CD6: variants seen among roughly 807,000 people sequenced by gnomAD.
The protein encoded by CD6 is T-cell differentiation antigen CD6.
A neutral mutation model predicts 75.3 loss-of-function variants in CD6; 53 were observed. The observed-to-expected ratio is 0.70, with a 90% CI of 0.56 to 0.88. The LOEUF is 0.88. Ranked by LOEUF, CD6 falls within the 40% of genes least tolerant of loss-of-function variation. The probability of loss-of-function intolerance (pLI) is 0.00; values close to 1 mark genes in which losing one functional copy is unlikely to be tolerated. For missense variants in CD6, 770 were observed against 897.1 expected (o/e 0.86, Z 1.81); for synonymous variants, 359 against 381.5 (o/e 0.94, Z 0.69).
At chr11:60,972,447 G>A (rs754691983) in intron 1 of CD6, among the ~76,000 whole-genome samples, 1 of 152,180 alleles carries the variant, frequency 6.6e-6, no homozygotes, top group East Asian at 1.9e-4. Context: ...GTAGTCTAGG[G>A]CATAAGCGAG....
chr11:60,979,790 A>G (rs796247974), intron 1 of CD6, among the ~76,000 whole-genome samples: 25 of 152,198 alleles, frequency 1.6e-4, no homozygotes, highest in Middle Eastern at 3.4e-3. Flanking sequence ...ATATTTTCAT[A>G]TTCATTCAGT....
At chr11:61,006,732 A>G (rs1474510646) in intron 2 of CD6, 90 bp downstream of exon 2, 2 of 1,070,714 alleles carry the variant, frequency 1.9e-6, no homozygotes, top group African/African-American at 3.1e-5. Flanking sequence ...CATTTAGGAT[A>G]CCAGGGAGGC....
rs575517510 is a variant in CD6 at position 61,017,705 on chromosome 11, A to C, written c.1583-54A>C. The C allele has an allele frequency of 6.8e-6, 11 of 1,610,542 alleles. No homozygotes were observed. The South Asian group carries it at 1.2e-4, about 18-fold the overall frequency. On this transcript the variant is annotated intron_variant, in intron 10 of 12. Coordinates refer to ENST00000313421, the MANE Select transcript of CD6 (RefSeq NM_006725.5). ...TAAGTGCTTTCTGAAGTCTGACTTA[A>C]AGCCCTCTTGCTGCACTGCTTCTTT...
At chr11:61,000,942 A>G (rs1487592104) in intron 1 of CD6, among the ~76,000 whole-genome samples, 1 of 151,862 alleles carries the variant, frequency 6.6e-6, no homozygotes, top group East Asian at 1.9e-4. Context: ...TGGGGTCGGC[A>G]CTCCCAACCT....
chr11:60,988,797 A>C (rs1857931912), intron 1 of CD6, among the ~76,000 whole-genome samples: 1 of 152,160 alleles, frequency 6.6e-6, no homozygotes, highest in Non-Finnish European at 1.5e-5. Context: ...CACACAAGCT[A>C]AAACTGCTTC....
At chr11:61,005,799 C>T (rs984756533) in intron 1 of CD6, among the ~76,000 whole-genome samples, 5 of 151,956 alleles carry the variant, frequency 3.3e-5, no homozygotes, top group Admixed American at 1.3e-4. Context: ...GGCGTGGTGG[C>T]GCATGCCTGT....
In CD6 at chr11:61,017,347, C is replaced by T; in HGVS notation, c.1511-132C>T. ...TGGAATTTGATGGGAAATGCTAAGCCCTCTCTGCCTCCGGAGTTGTCCTCC... is the reference window on the plus strand; with the variant it reads ...TGGAATTTGATGGGAAATGCTAAGCTCTCTCTGCCTCCGGAGTTGTCCTCC... On this transcript the variant is annotated intron_variant, in intron 9 of 12. Transcript: ENST00000313421. The T allele has an allele frequency of 4.5e-6, 3 of 673,766 alleles. No homozygotes were observed. In the Admixed American group the frequency reaches 6.7e-5, roughly 15 times the overall value. The allele number at this position is 673,766 out of a possible 1,614,324, so 41.7% of individuals were successfully genotyped here.
At chr11:60,978,854 C>T (rs1857461848) in intron 1 of CD6, among the ~76,000 whole-genome samples, 2 of 152,206 alleles carry the variant, frequency 1.3e-5, no homozygotes, top group African/African-American at 4.8e-5. Context: ...CCAAAGTGTA[C>T]AAGTTAATGT....
At chr11:61,010,394 C>T (rs973204416) in intron 5 of CD6, among the ~76,000 whole-genome samples, 13 of 152,118 alleles carry the variant, frequency 8.5e-5, no homozygotes, top group African/African-American at 2.7e-4. Context: ...TAAAGAAGAA[C>T]GAACACTGCC....
chr11:60,978,382 A>G (rs977901516), intron 1 of CD6, among the ~76,000 whole-genome samples: 1 of 152,016 alleles, frequency 6.6e-6, no homozygotes, highest in Admixed American at 6.5e-5. Flanking sequence ...GGGGCACCCG[A>G]GTTCACCTCC....
chr11:60,975,424 G>C (rs12361059), intron 1 of CD6, among the ~76,000 whole-genome samples: 1 of 152,110 alleles, frequency 6.6e-6, no homozygotes, highest in Non-Finnish European at 1.5e-5. Context: ...TTTATATGTC[G>C]AACTTATAAT....
Position 61,013,552 on chromosome 11 carries a change from A to C in CD6, c.1280A>C (p.Lys427Thr). ...ATAGCCTTCATCCTCTTGAGAATTA[A>C]AGGAAAATATGGTAAGTGCAAGGTT... Reference protein sequence around the residue: ...IFIAFILLRIKGKYALPVMVN... With the variant: ...IFIAFILLRITGKYALPVMVN... The change falls in exon 7 of 13, where the codon AAA (lysine) becomes ACA (threonine). Residue 427 changes from lysine to threonine, a missense_variant. Coordinates refer to ENST00000313421, the MANE Select transcript of CD6 (RefSeq NM_006725.5). 1 of 1,614,130 alleles carries C rather than the reference A, an allele frequency of 6.2e-7. No individual in the cohort carries two copies. Among genetic ancestry groups the C allele is most frequent in the East Asian group, 2.2e-5 (1 of 44,866 alleles).
chr11:60,999,273 T>C (rs560677767), intron 1 of CD6, among the ~76,000 whole-genome samples: 151 of 151,666 alleles, frequency 1.0e-3, no homozygotes, highest in African/African-American at 3.3e-3. Flanking sequence ...TTAGCATCTC[T>C]CCTGGGCAAG....
rs1348898843 is a variant in CD6, at chr11:61,007,234, C to A, written c.119-326C>A. ...AGGGCCCCTGAACTCACAACTCTGC[C>A]TTTCTTTCACAAACGGGTGCCCCTG... On this transcript the variant is annotated intron_variant, in intron 2 of 12. Coordinates refer to ENST00000313421, the MANE Select transcript of CD6 (RefSeq NM_006725.5). This position sits in a 1 kb window ranked among gnomAD's most constrained non-coding sequence, Gnocchi z 4.2. 6.6e-6 allele frequency among the ~76,000 whole-genome samples: 1 copy of A among 152,138 alleles called. No homozygotes were observed. Among genetic ancestry groups the A allele is most frequent in the Non-Finnish European group, 1.5e-5 (1 of 68,018 alleles).
rs765611857 is a variant in CD6 at position 61,017,465 on chromosome 11, G to A, written c.1511-14G>A. 1.6e-4 allele frequency: 255 copies of A among 1,546,762 alleles called. No homozygotes were observed. The highest frequency in any genetic ancestry group is 2.0e-4 in the Non-Finnish European group (227 of 1,145,326). Reference sequence around the variant, plus strand: ...TGAGCCTTCACCCCTCCCCACCACCGCCTCTGCTTGCAGATTCCCAGCGGC... The same window carrying A: ...TGAGCCTTCACCCCTCCCCACCACCACCTCTGCTTGCAGATTCCCAGCGGC... On this transcript the variant is annotated splice_polypyrimidine_tract_variant and intron_variant, in intron 9 of 12. Coordinates refer to ENST00000313421, the MANE Select transcript of CD6 (RefSeq NM_006725.5).
At chr11:61,003,646 A>C (rs1428976118) in intron 1 of CD6, among the ~76,000 whole-genome samples, 13 of 152,210 alleles carry the variant, frequency 8.5e-5, no homozygotes, top group Admixed American at 8.5e-4. Context: ...AGGCACGAGA[A>C]TCGCTTGAAC....
intron 1 of CD6, among the ~76,000 whole-genome samples, chr11:60,994,258 C>G (rs977235345): frequency 1.3e-5 from 2 of 151,702 alleles, no homozygotes; most frequent in Non-Finnish European, 2.9e-5. Flanking sequence ...CTGGGCAACA[C>G]GGTGAAACCC....
Position 61,009,650 on chromosome 11 carries a change from A to G in CD6, c.860A>G (p.Asn287Ser), listed in dbSNP as rs1590717836. The change falls in exon 5 of 13, where the codon AAC becomes AGC. Residue 287 changes from asparagine to serine, a missense_variant. By Grantham distance (46) the Asn-to-Ser change is conservative (BLOSUM62 1). Coordinates refer to ENST00000313421, the MANE Select transcript of CD6 (RefSeq NM_006725.5). ...QVEVHFRGVWNTVCDSEWYPS... is the reference protein window; with the variant it reads ...QVEVHFRGVWSTVCDSEWYPS... Reference sequence around the variant, plus strand: ...GAGGTACACTTCCGAGGGGTCTGGAACACAGTGTGTGACAGTGAGTGGTAC... The same window carrying G: ...GAGGTACACTTCCGAGGGGTCTGGAGCACAGTGTGTGACAGTGAGTGGTAC... 6.2e-7 allele frequency: 1 copy of G among 1,614,012 alleles called. No homozygotes were observed. The highest frequency in any genetic ancestry group is 1.7e-4 in the Middle Eastern group (1 of 6,034).
intron 1 of CD6, among the ~76,000 whole-genome samples, chr11:60,978,079 G>A (rs1015177083): frequency 6.6e-6 from 1 of 152,186 alleles, no homozygotes; most frequent in Non-Finnish European, 1.5e-5. Context: ...GGCTGAAAGG[G>A]AAATAAAGAG....
Sources: gnomAD v4.1 joint callset for allele counts (sites outside exome capture counted in the v4.1 genomes callset) on GRCh38, gnomAD v4.1.1 for gene constraint, Gnocchi (gnomAD v3.1) non-coding constraint, MANE v1.5 for transcripts, NCBI Gene and HGNC (gene_info 2026-07-23, HGNC 2026-07-21) for gene names.